The following CDH13 variants were observed in gnomAD, a reference collection of about 807,000 sequenced individuals.
CDH13 encodes the protein cadherin-13.
CDH13 carries 24 observed loss-of-function variants against 63.8 expected under a neutral mutation model. That is an observed-to-expected ratio of 0.38 (90% CI 0.27 to 0.53). CDH13 has a LOEUF of 0.53. Ranked by LOEUF, CDH13 falls within the 20% of genes least tolerant of loss-of-function variation. CDH13 has a pLI of 0.85. For missense variants in CDH13, 1,049 were observed against 903.1 expected (o/e 1.16, Z -2.07); for synonymous variants, 503 against 355.3 (o/e 1.42, Z -4.67).
intron 7 of CDH13, among the ~76,000 whole-genome samples, chr16:83,507,475 T>C (rs2151596717): frequency 6.6e-6 from 1 of 152,346 alleles, no homozygotes; most frequent in South Asian, 2.1e-4. Context: ...AGAAGCAGTA[T>C]TAATGGTACA....
At position 83,779,813 on chromosome 16, in the gene CDH13, G is replaced by A. The variant is rs964895778; in HGVS notation, c.1682-155G>A. 5.9e-5 allele frequency among the ~76,000 whole-genome samples: 9 copies of A among 152,278 alleles called. No individual in the cohort carries two copies. In the East Asian group the frequency reaches 9.6e-4, roughly 16 times the overall value. On this transcript the variant is annotated intron_variant, in intron 11 of 13. Coordinates refer to ENST00000567109, the MANE Select transcript of CDH13 (RefSeq NM_001257.5). ...GTTGTGGCTGCAGTGAGCCATGATC[G>A]CACCACTGCATTCCAGTCTGGGCGA...
chr16:83,168,495 T>C (rs1373577344), intron 4 of CDH13, among the ~76,000 whole-genome samples: 3 of 152,086 alleles, frequency 2.0e-5, no homozygotes, highest in Non-Finnish European at 4.4e-5. Context: ...AGATACAGAA[T>C]GACAGAGTCA....
At chr16:83,266,134 T>TCTGTGC (rs1907593201) in intron 5 of CDH13, among the ~76,000 whole-genome samples, 1 of 151,972 alleles carries the variant, frequency 6.6e-6, no homozygotes, top group Non-Finnish European at 1.5e-5. Context: ...ACGGGGTTTT[T>TCTGTGC]ACCACATTGG....
At chr16:83,509,875 A>G (rs970141395) in intron 7 of CDH13, among the ~76,000 whole-genome samples, 1 of 152,210 alleles carries the variant, frequency 6.6e-6, no homozygotes, top group African/African-American at 2.4e-5. Context: ...GGAGTAAATT[A>G]AGCTCAGAGA....
chr16:83,216,024 A>AC (rs1438594649), intron 4 of CDH13, among the ~76,000 whole-genome samples: 1 of 148,950 alleles, frequency 6.7e-6, no homozygotes, highest in African/African-American at 2.5e-5. Context: ...TCTCAGCCTA[A>AC]CCCTCTACAT....
In CDH13 at chr16:83,422,854, A is replaced by T. The variant is rs534835707; in HGVS notation, c.782-63623A>T. ...GAAAAGTGCCTGGGACACAATGAAC[A>T]CTCAGAAATGTTGGGTAGGAACAAT... On this transcript the variant is annotated intron_variant, in intron 6 of 13. Transcript: ENST00000567109. Among the ~76,000 whole-genome samples the T allele has an allele frequency of 6.3e-4, 96 of 152,282 alleles. 1 individual carries two copies. The highest frequency in any genetic ancestry group is 2.1e-3 in the African/African-American group (87 of 41,548).
intron 1 of CDH13, among the ~76,000 whole-genome samples, chr16:82,749,598 C>G (rs74895723): frequency 0.033 from 5,030 of 152,292 alleles, 109 homozygotes; most frequent in Non-Finnish European, 0.05. Flanking sequence ...AGAGCTGGGA[C>G]TGGAACCCAT....
chr16:83,602,117 A>C, intron 7 of CDH13, among the ~76,000 whole-genome samples: 1 of 110,504 alleles, frequency 9.0e-6, no homozygotes, highest in Non-Finnish European at 1.7e-5. Context: ...CAAAAAAAAA[A>C]AAAAAAAAAA....
chr16:82,916,625 T>G (rs1213432799), intron 2 of CDH13, among the ~76,000 whole-genome samples: 2 of 151,858 alleles, frequency 1.3e-5, no homozygotes, highest in Admixed American at 6.6e-5. Flanking sequence ...CCTTGATAAA[T>G]GCCATGATAG....
At chr16:82,981,829 G>C (rs1030826368) in intron 2 of CDH13, among the ~76,000 whole-genome samples, 51 of 152,130 alleles carry the variant, frequency 3.4e-4, no homozygotes, top group African/African-American at 2.4e-4. Flanking sequence ...ACAGCTACCA[G>C]TGGCTTCCTA....
At chr16:83,522,383 A>C (rs1318405384) in intron 7 of CDH13, among the ~76,000 whole-genome samples, 1 of 152,210 alleles carries the variant, frequency 6.6e-6, no homozygotes, top group East Asian at 1.9e-4. Context: ...ACATGAGTAT[A>C]TGAGGTAAGG....
chr16:83,231,263 G>C (rs1004866468), intron 5 of CDH13, among the ~76,000 whole-genome samples: 6 of 152,168 alleles, frequency 3.9e-5, no homozygotes, highest in Non-Finnish European at 8.8e-5. Flanking sequence ...CCGGTACCCT[G>C]GGGTGATGGA....
At chr16:82,636,723 C>T (rs1053937357) in intron 1 of CDH13, among the ~76,000 whole-genome samples, 2 of 152,190 alleles carry the variant, frequency 1.3e-5, no homozygotes, top group African/African-American at 4.8e-5. Context: ...TGTTTAACAA[C>T]TGGGCCACTC....
At chr16:83,119,228 GC>G (rs2035452744) in intron 3 of CDH13, among the ~76,000 whole-genome samples, 1 of 152,120 alleles carries the variant, frequency 6.6e-6, no homozygotes, top group Non-Finnish European at 1.5e-5. Context: ...TGTGGCCTTT[GC>G]TGAAACTCAT....
chr16:82,887,632 C>A (rs1454095469), intron 2 of CDH13, among the ~76,000 whole-genome samples: 1 of 152,088 alleles, frequency 6.6e-6, no homozygotes, highest in Non-Finnish European at 1.5e-5. Context: ...ACGAGTCTGG[C>A]CAACGTGGTG....
At chr16:83,440,996 C>T (rs1197335619) in intron 6 of CDH13, among the ~76,000 whole-genome samples, 1 of 152,174 alleles carries the variant, frequency 6.6e-6, no homozygotes, top group South Asian at 2.1e-4. Flanking sequence ...ACAACCACTG[C>T]AGTTCTAGGA....
intron 2 of CDH13, among the ~76,000 whole-genome samples, chr16:82,871,620 G>C (rs1035522918): frequency 2.0e-5 from 3 of 151,902 alleles, no homozygotes; most frequent in Non-Finnish European, 2.9e-5. Context: ...ATGAGAGCTT[G>C]TGAGTTGGGC....
chr16:83,120,759 C>CTTTTTTTT (rs1476338366), intron 3 of CDH13, among the ~76,000 whole-genome samples: 2 of 45,952 alleles, frequency 4.4e-5, no homozygotes, highest in African/African-American at 2.3e-4. Context: ...CTCTAATTTT[C>CTTTTTTTT]TTTCTTTTTT....
In CDH13 at chr16:82,738,570, C is replaced by T. The variant is rs936057282; in HGVS notation, c.45+111433C>T. ...CCCTCCGCTACCTTTTCTTAATGCA[C>T]TTTTACACTTTTCTCCATGCTGTAA... On this transcript the variant is annotated intron_variant, in intron 1 of 13. Coordinates refer to ENST00000567109, the MANE Select transcript of CDH13 (RefSeq NM_001257.5). Among the ~76,000 whole-genome samples the T allele has an allele frequency of 3.3e-5, 5 of 152,318 alleles. No individual in the cohort carries two copies. The South Asian group carries it at 8.3e-4, about 25-fold the overall frequency.
Sources: allele counts gnomAD v4.1 joint callset (sites outside exome capture counted in the v4.1 genomes callset), GRCh38; gene constraint gnomAD v4.1.1; transcripts MANE v1.5; gene names NCBI Gene and HGNC (gene_info 2026-07-23, HGNC 2026-07-21).